The following KITLG variants were observed in gnomAD, a reference collection of about 807,000 sequenced individuals.
KITLG encodes KIT ligand.
Under a neutral mutation model 34.1 loss-of-function variants are expected in KITLG, and 13 were observed. That is an observed-to-expected ratio of 0.38 (90% CI 0.25 to 0.61). KITLG has a LOEUF of 0.61. Ranked by LOEUF, KITLG falls within the 20% of genes least tolerant of loss-of-function variation. KITLG has a pLI of 0.60. For synonymous variants in KITLG, 110 were observed against 104.0 expected (o/e 1.06, Z -0.35); for missense variants, 292 against 318.9 (o/e 0.92, Z 0.64).
chr12:88,536,718 G>A (rs1870332536), intron 2 of KITLG, among the ~76,000 whole-genome samples: 1 of 152,126 alleles, frequency 6.6e-6, no homozygotes, highest in Admixed American at 6.6e-5. Flanking sequence ...ATCATTCTCA[G>A]TAAACTAACA....
intron 3 of KITLG, 53 bp downstream of exon 3, chr12:88,532,388 C>T (rs191766763): frequency 1.6e-6 from 2 of 1,256,674 alleles, no homozygotes; most frequent in East Asian, 2.3e-5. Context: ...TATGAATGAT[C>T]CCATTTCTTC....
intron 2 of KITLG, 53 bp downstream of exon 2, chr12:88,545,699 A>C (rs541700430): frequency 1.2e-3 from 1,271 of 1,033,130 alleles, no homozygotes; most frequent in Non-Finnish European, 1.6e-3. Context: ...CAAGCACAGG[A>C]AAAAGAGCCA....
At chr12:88,511,409 G>C (rs533626758) in intron 6 of KITLG, among the ~76,000 whole-genome samples, 3 of 152,160 alleles carry the variant, frequency 2.0e-5, no homozygotes, top group African/African-American at 7.2e-5. Context: ...CCTGTCTGGG[G>C]TGCACTTTCA....
Position 88,549,889 on chromosome 12 carries a change from G to A in KITLG, c.16-4024C>T, listed in dbSNP as rs117885153. ...AGAACCCACAAAAGAGTCCAAGAGA[G>A]CAAAGCAAAAAGATCATGGAAGGAA... On this transcript the variant is annotated intron_variant, in intron 1 of 9. Transcript: ENST00000644744. Among the ~76,000 whole-genome samples the A allele has an allele frequency of 9.8e-3, 1,492 of 152,108 alleles. 10 individuals carry two copies. The highest frequency in any genetic ancestry group is 0.016 in the Non-Finnish European group (1,094 of 67,974).
chr12:88,500,807 C>A (rs892858852), intron 9 of KITLG, among the ~76,000 whole-genome samples: 5 of 152,124 alleles, frequency 3.3e-5, no homozygotes, highest in African/African-American at 9.7e-5. Context: ...TGAGACCAGG[C>A]CTTGCTCTAT....
chr12:88,524,921 C>T (rs1869808797), intron 3 of KITLG, among the ~76,000 whole-genome samples: 1 of 152,136 alleles, frequency 6.6e-6, no homozygotes, highest in Admixed American at 6.6e-5. Flanking sequence ...AATGCCGCAT[C>T]ATAGGAGTGG....
chr12:88,515,314 C>T (rs944505164), intron 6 of KITLG, among the ~76,000 whole-genome samples: 2 of 151,758 alleles, frequency 1.3e-5, no homozygotes, highest in Non-Finnish European at 3.0e-5. Flanking sequence ...TTAAAATAAC[C>T]TCAGCAGAAA....
At chr12:88,511,670 TAA>T (rs894467490) in intron 6 of KITLG, among the ~76,000 whole-genome samples, 6 of 151,080 alleles carry the variant, frequency 4.0e-5, no homozygotes, top group African/African-American at 9.7e-5. Context: ...AAAATTATAA[TAA>T]AAAAAAATAA....
intron 1 of KITLG, among the ~76,000 whole-genome samples, chr12:88,550,003 C>T (rs546945533): frequency 1.3e-5 from 2 of 152,128 alleles, no homozygotes; most frequent in South Asian, 2.1e-4. Flanking sequence ...GGACTGATAA[C>T]TGACCACTGG....
At chr12:88,567,364 C>T (rs1566036536) in intron 1 of KITLG, among the ~76,000 whole-genome samples, 1 of 152,130 alleles carries the variant, frequency 6.6e-6, no homozygotes, top group Non-Finnish European at 1.5e-5. Context: ...AGTTATAAAA[C>T]AGGAGCTGTT....
Position 88,496,561 on chromosome 12 carries a change from C to T in KITLG, c.*658G>A, listed in dbSNP as rs1868648005. On this transcript the variant is annotated 3_prime_UTR_variant, in exon 10 of 10. Coordinates refer to ENST00000644744, the MANE Select transcript of KITLG (RefSeq NM_000899.5). ...GCTCCCTTGCATAAATGGAACCAGGCAACCATTTGCATTTGTATAGTGGGA... is the reference window on the plus strand; with the variant it reads ...GCTCCCTTGCATAAATGGAACCAGGTAACCATTTGCATTTGTATAGTGGGA... 6.6e-6 allele frequency: 1 copy of T among 152,252 alleles called. No homozygotes were observed. The highest frequency in any genetic ancestry group is 1.5e-5 in the Non-Finnish European group (1 of 68,040). The allele number at this position is 152,252 out of a possible 1,614,324, so 9.4% of individuals were successfully genotyped here.
At position 88,505,233 on chromosome 12, in the gene KITLG, A is replaced by T; in HGVS notation, c.785T>A (p.Met262Lys). The change falls in exon 9 of 10, where the codon ATG becomes AAG. Residue 262 changes from methionine to lysine, a missense_variant and splice_region_variant. Met to Lys is a moderately conservative substitution (Grantham distance 95). Coordinates refer to ENST00000644744, the MANE Select transcript of KITLG (RefSeq NM_000899.5). ...QINEEDNEIS[M>K]LQEKEREFQE... is the part of the protein sequence containing the mutation. ...AAACTCTCTCTCTTTCTCTTGCAAC[A>T]TACTGAAAAACAATAAGAAAAAATG... is the stretch of plus-strand genomic sequence containing the variant. 1 of 1,608,878 alleles carries T rather than the reference A, an allele frequency of 6.2e-7. No homozygotes were observed. The highest frequency in any genetic ancestry group is 1.1e-5 in the South Asian group (1 of 90,962).
intron 7 of KITLG, among the ~76,000 whole-genome samples, chr12:88,506,787 C>CT (rs1592837914): frequency 6.6e-6 from 1 of 152,070 alleles, no homozygotes; most frequent in Non-Finnish European, 1.5e-5. Flanking sequence ...TCAGATCTTC[C>CT]TTTTCATATT....
At chr12:88,572,383 CA>C (rs1281431106) in intron 1 of KITLG, among the ~76,000 whole-genome samples, 1 of 151,330 alleles carries the variant, frequency 6.6e-6, no homozygotes, top group African/African-American at 2.4e-5. Context: ...ATAAATCAAG[CA>C]AGCCTAATAA....
chr12:88,502,103 A>T (rs889206627), intron 9 of KITLG, among the ~76,000 whole-genome samples: 9 of 152,082 alleles, frequency 5.9e-5, no homozygotes, highest in South Asian at 2.1e-4. Flanking sequence ...GCCTTGGTGG[A>T]GCTTTGCAGA....
intron 1 of KITLG, among the ~76,000 whole-genome samples, chr12:88,552,267 C>G (rs977642691): frequency 4.0e-5 from 6 of 151,650 alleles, no homozygotes; most frequent in African/African-American, 1.5e-4. Flanking sequence ...CTCCGCCTCC[C>G]AGATTCAAGT....
Position 88,570,771 on chromosome 12 carries a change from AAAT to A in KITLG, c.15+9490_15+9492del, listed in dbSNP as rs1316962588. ...TTTCTTTGTTAAAAAAAATGATGCC[AAAT>A]AATAATATGTATTTTACAACATTTT... On this transcript the variant is annotated intron_variant, in intron 1 of 9. Transcript: ENST00000644744. 3.3e-5 allele frequency among the ~76,000 whole-genome samples: 5 copies of A among 152,328 alleles called. No homozygotes were observed. In the East Asian group the frequency reaches 9.6e-4, roughly 29 times the overall value.
chr12:88,579,697 G>A (rs1337879932), intron 1 of KITLG, among the ~76,000 whole-genome samples: 1 of 152,120 alleles, frequency 6.6e-6, no homozygotes, highest in South Asian at 2.1e-4. Flanking sequence ...CGAGAGCCAA[G>A]TTTCCCGGGC....
At chr12:88,570,776 A>G (rs1216444015) in intron 1 of KITLG, among the ~76,000 whole-genome samples, 1 of 152,200 alleles carries the variant, frequency 6.6e-6, no homozygotes, top group African/African-American at 2.4e-5. Context: ...ATGCCAAATA[A>G]TAATATGTAT....
Sources: allele counts gnomAD v4.1 joint callset (sites outside exome capture counted in the v4.1 genomes callset), GRCh38; gene constraint gnomAD v4.1.1; transcripts MANE v1.5; gene names NCBI Gene and HGNC (gene_info 2026-07-23, HGNC 2026-07-21).